The following SLC12A6 variants were observed in gnomAD, a reference collection of about 807,000 sequenced individuals.
SLC12A6 encodes solute carrier family 12 member 6.
SLC12A6 carries 66 observed loss-of-function variants against 135.3 expected under a neutral mutation model. The observed-to-expected ratio is 0.49, with a 90% CI of 0.40 to 0.60. The LOEUF is 0.60. SLC12A6 is among the 20% of genes least tolerant of loss of function. SLC12A6 has a pLI of 0.00. For missense variants in SLC12A6, 1,058 were observed against 1,452.3 expected (o/e 0.73, Z 4.41); for synonymous variants, 513 against 508.8 (o/e 1.01, Z -0.11).
chr15:34,320,827 T>A (rs1266642436), intron 2 of SLC12A6, among the ~76,000 whole-genome samples: 2 of 151,758 alleles, frequency 1.3e-5, no homozygotes, highest in Admixed American at 6.6e-5. Context: ...GAGAATGGCA[T>A]GAACCTGGAA....
At chr15:34,336,825 A>C in intron 1 of SLC12A6, 73 bp from the exon 2 acceptor site, 2 of 697,690 alleles carry the variant, frequency 2.9e-6, no homozygotes, top group Non-Finnish European at 5.1e-6. Flanking sequence ...AAAAGCCCCA[A>C]CTAAGAATAC....
At chr15:34,278,391 A>T (rs1894439638) in intron 2 of SLC12A6, among the ~76,000 whole-genome samples, 1 of 151,380 alleles carries the variant, frequency 6.6e-6, no homozygotes. Context: ...CACACCACTG[A>T]CTCCAGCCTG....
intron 2 of SLC12A6, among the ~76,000 whole-genome samples, chr15:34,295,058 T>C (rs1252223740): frequency 6.6e-6 from 1 of 152,216 alleles, no homozygotes; most frequent in Non-Finnish European, 1.5e-5. Context: ...TATCAACAGT[T>C]AGCACTTATT....
At chr15:34,246,144 G>A (rs1891973993) in intron 13 of SLC12A6, among the ~76,000 whole-genome samples, 1 of 152,128 alleles carries the variant, frequency 6.6e-6, no homozygotes, top group South Asian at 2.1e-4. Context: ...TGTTGCCCAG[G>A]CTGGTCTCGA....
chr15:34,330,071 T>C (rs2141179325), intron 2 of SLC12A6, among the ~76,000 whole-genome samples: 1 of 152,316 alleles, frequency 6.6e-6, no homozygotes, highest in East Asian at 1.9e-4. Flanking sequence ...AATATTAATA[T>C]CATGTACATG....
At chr15:34,240,957 T>A (rs1202072562) in intron 18 of SLC12A6, 128 bp from the exon 19 acceptor site, 1 of 772,358 alleles carries the variant, frequency 1.3e-6, no homozygotes, top group African/African-American at 1.7e-5. Context: ...AAGGAAGAGA[T>A]CACAGGAGAT....
chr15:34,283,904 C>G (rs1411664617), intron 2 of SLC12A6, among the ~76,000 whole-genome samples: 3 of 152,056 alleles, frequency 2.0e-5, no homozygotes, highest in Non-Finnish European at 4.4e-5. Flanking sequence ...TGTGCCACTA[C>G]ACCCAGCCAG....
At chr15:34,249,601 G>T (rs1270550001) in intron 13 of SLC12A6, among the ~76,000 whole-genome samples, 2 of 151,898 alleles carry the variant, frequency 1.3e-5, no homozygotes, top group Non-Finnish European at 2.9e-5. Flanking sequence ...GAAGAGAAGA[G>T]AAAAGAACAG....
intron 2 of SLC12A6, among the ~76,000 whole-genome samples, chr15:34,310,019 G>A (rs1466677830): frequency 2.4e-5 from 3 of 124,046 alleles, no homozygotes; most frequent in Non-Finnish European, 5.0e-5. Flanking sequence ...TTTTTTTTTT[G>A]AGACAGGGTC....
chr15:34,230,434 G>T lies in SLC12A6; in HGVS notation c.*3447C>A, dbSNP rs1032509827. On this transcript the variant is annotated 3_prime_UTR_variant, in exon 26 of 26. Transcript: ENST00000354181. ...TGGGCCACAGGAATCTGAGGCAACG[G>T]AAGATATATAGAGTGATCGTCCCCC... is the stretch of plus-strand genomic sequence containing the variant. 6.6e-6 allele frequency: 1 copy of T among 152,648 alleles called. No homozygotes were observed. The highest frequency in any genetic ancestry group is 2.4e-5 in the African/African-American group (1 of 41,460). The allele number at this position is 152,648 out of a possible 1,614,324, so 9.5% of individuals were successfully genotyped here.
At chr15:34,285,713 T>TATACACACACACACACACACACACA (rs776596338) in intron 2 of SLC12A6, among the ~76,000 whole-genome samples, 57 of 45,172 alleles carry the variant, frequency 1.3e-3, no homozygotes, top group African/African-American at 3.0e-3. Context: ...TGTGTGTGTG[T>TATACACACACACACACACACACACA]TTGTCATACA....
chr15:34,298,235 G>C (rs1216693145), intron 2 of SLC12A6, among the ~76,000 whole-genome samples: 1 of 152,114 alleles, frequency 6.6e-6, no homozygotes, highest in East Asian at 1.9e-4. Context: ...CCAGCACTTT[G>C]GGAGGCCGAG....
At chr15:34,273,211 C>T (rs3794517) in intron 3 of SLC12A6, among the ~76,000 whole-genome samples, 14,899 of 152,066 alleles carry the variant, frequency 0.098, 818 homozygotes, top group South Asian at 0.15. Flanking sequence ...ATGAGCCAGG[C>T]GCTGTGGCGT....
At chr15:34,289,026 A>G (rs1044615129) in intron 2 of SLC12A6, among the ~76,000 whole-genome samples, 1 of 152,162 alleles carries the variant, frequency 6.6e-6, no homozygotes, top group African/African-American at 2.4e-5. Context: ...ACTATGTTGA[A>G]TAGGAGTGGT....
At chr15:34,270,978 G>A (rs1893889004) in intron 3 of SLC12A6, among the ~76,000 whole-genome samples, 1 of 152,066 alleles carries the variant, frequency 6.6e-6, no homozygotes, top group African/African-American at 2.4e-5. Context: ...GAGGGGAAAT[G>A]CGTGATGCTT....
At chr15:34,314,998 A>G (rs971418174) in intron 2 of SLC12A6, among the ~76,000 whole-genome samples, 6 of 152,206 alleles carry the variant, frequency 3.9e-5, no homozygotes. Context: ...GAATTGCTGC[A>G]ATTTCATGAT....
chr15:34,276,000 T>A (rs565522517), intron 2 of SLC12A6, among the ~76,000 whole-genome samples: 1 of 152,194 alleles, frequency 6.6e-6, no homozygotes, highest in East Asian at 1.9e-4. Flanking sequence ...AGCGTTTCTG[T>A]TTGGGGTGAT....
At chr15:34,306,012 C>T (rs1431190094) in intron 2 of SLC12A6, among the ~76,000 whole-genome samples, 4 of 151,912 alleles carry the variant, frequency 2.6e-5, no homozygotes, top group Admixed American at 6.6e-5. Context: ...CCGCCCGCCT[C>T]GGCCTACCAA....
chr15:34,230,034 C>A lies in SLC12A6; in HGVS notation c.*3847G>T. 1 of 474,480 alleles carries A rather than the reference C, an allele frequency of 2.1e-6. No homozygotes were observed. The highest frequency in any genetic ancestry group is 3.7e-6 in the Non-Finnish European group (1 of 269,608). 29.4% of individuals were successfully genotyped at this position (474,480 alleles called of 1,614,324 possible). ...GAAAACTTTATTTTTGTTTCCAGTA[C>A]AGAGCAAAACAACAACAAAAAAACA... On this transcript the variant is annotated 3_prime_UTR_variant, in exon 26 of 26. Transcript: ENST00000354181.
Sources: allele counts gnomAD v4.1 joint callset (sites outside exome capture counted in the v4.1 genomes callset), GRCh38; gene constraint gnomAD v4.1.1; transcripts MANE v1.5; gene names NCBI Gene and HGNC (gene_info 2026-07-23, HGNC 2026-07-21).